Variants in LRRC27 observed in about 807,000 individuals in gnomAD.
LRRC27 encodes leucine rich repeat containing 27.
Under a neutral mutation model 55.0 loss-of-function variants are expected in LRRC27, and 57 were observed. That is an observed-to-expected ratio of 1.04 (90% CI 0.84 to 1.29). The LOEUF (loss-of-function observed/expected upper bound fraction) is 1.29. LRRC27 is among the 50% of genes most tolerant of loss of function. The pLI is 0.00. For missense variants in LRRC27, 721 were observed against 651.5 expected (o/e 1.11, Z -1.16); for synonymous variants, 278 against 251.9 (o/e 1.10, Z -0.98).
At chr10:132,344,349 C>T in intron 4 of LRRC27, 149 bp from the exon 5 acceptor site, 1 of 823,680 alleles carries the variant, frequency 1.2e-6, no homozygotes, top group Non-Finnish European at 1.8e-6. Flanking sequence ...ACCTTTAAAG[C>T]AAATCTTTGA....
At chr10:132,352,163 TGTGGGGCAGGCGCTGAGGCCTCC>T (rs2068065333) in intron 7 of LRRC27, among the ~76,000 whole-genome samples, 7 of 86,834 alleles carry the variant, frequency 8.1e-5, no homozygotes, top group African/African-American at 2.3e-4. Flanking sequence ...GAGGCCTCCG[TGTGGGGCAGGCGCTGAGGCCTCC>T]GTGTGGGGCA....
chr10:132,353,084 G>A (rs866315220), intron 7 of LRRC27: 58 of 1,516,100 alleles, frequency 3.8e-5, no homozygotes, highest in South Asian at 5.0e-5. Context: ...CCAGGAGTCC[G>A]GCTGGCATGG....
intron 9 of LRRC27, among the ~76,000 whole-genome samples, chr10:132,364,461 C>CCACACTTACATCTACCTCCA (rs1564853479): frequency 1.5e-5 from 1 of 67,222 alleles, no homozygotes; most frequent in Non-Finnish European, 3.0e-5. Flanking sequence ...ACACTCACAC[C>CCACACTTACATCTACCTCCA]CACCCACACT....
In LRRC27 at chr10:132,372,401, T is replaced by C. The variant is rs769055694; in HGVS notation, c.1417-2665T>C. 6.6e-6 allele frequency among the ~76,000 whole-genome samples: 1 copy of C among 152,224 alleles called. No individual in the cohort carries two copies. Among genetic ancestry groups the C allele is most frequent in the Non-Finnish European group, 1.5e-5 (1 of 68,036 alleles). The stretch of plus-strand genomic sequence containing the variant: ...GGCCAACCTGGTGAAACCCCGTCTC[T>C]ACTAAAAATACAAAAAATTAGCCGG... On this transcript the variant is annotated intron_variant, in intron 10 of 10. Transcript: ENST00000368614. The surrounding 1 kb of genome is among the most constrained non-coding windows in gnomAD (Gnocchi z 4.0).
chr10:132,342,712 G>A (rs1212399949), intron 4 of LRRC27, among the ~76,000 whole-genome samples: 6 of 152,154 alleles, frequency 3.9e-5, no homozygotes, highest in African/African-American at 7.2e-5. Flanking sequence ...TCAAACAAGC[G>A]TAAACTATCA....
chr10:132,366,714 G>A (rs116866633), intron 10 of LRRC27: 8,514 of 580,078 alleles, frequency 0.015, 90 homozygotes, highest in Middle Eastern at 0.02. Context: ...TCAGGCTGGT[G>A]CGAGCTGCAT....
At position 132,348,482 on chromosome 10, in the gene LRRC27, C is replaced by CAGTG; in HGVS notation, c.926+131_926+134dup. On this transcript the variant is annotated intron_variant, in intron 6 of 10. Coordinates refer to ENST00000368614, the MANE Select transcript of LRRC27 (RefSeq NM_030626.3). The surrounding 1 kb of genome is among the most constrained non-coding windows in gnomAD (Gnocchi z 4.2). The stretch of plus-strand genomic sequence containing the variant: ...CTCCACGTTGCCACCGTTTACTGTG[C>CAGTG]AGTGAGTGCCGGTCCCAGGTTTAGG... The CAGTG allele has an allele frequency of 2.3e-6, 3 of 1,288,102 alleles. 1 individual carries two copies. The South Asian group carries it at 4.4e-5, about 19-fold the overall frequency. 79.8% of individuals were successfully genotyped at this position (1,288,102 alleles called of 1,614,324 possible).
intron 8 of LRRC27, 37 bp downstream of exon 8, chr10:132,355,923 A>C (rs2068287932): frequency 2.1e-6 from 3 of 1,454,114 alleles, no homozygotes; most frequent in Non-Finnish European, 2.8e-6. Context: ...GCACTAGTCC[A>C]GTCCCGGGGG....
intron 10 of LRRC27, among the ~76,000 whole-genome samples, chr10:132,373,854 G>A (rs2069276912): frequency 6.6e-6 from 1 of 152,176 alleles, no homozygotes; most frequent in Non-Finnish European, 1.5e-5. Context: ...CAGTTTGAGA[G>A]GATGTAATGA....
Position 132,348,469 on chromosome 10 carries a change from A to G in LRRC27, c.926+113A>G. 7.1e-7 allele frequency: 1 copy of G among 1,417,918 alleles called. No individual in the cohort carries two copies. The highest frequency in any genetic ancestry group is 1.4e-5 in the South Asian group (1 of 72,748). The allele number at this position is 1,417,918 out of a possible 1,614,324, so 87.8% of individuals were successfully genotyped here. The stretch of plus-strand genomic sequence containing the variant: ...CTTTTAAAGTGTCCTCCACGTTGCC[A>G]CCGTTTACTGTGCAGTGAGTGCCGG... On this transcript the variant is annotated intron_variant, in intron 6 of 10. Transcript: ENST00000368614. The surrounding 1 kb of genome is among the most constrained non-coding windows in gnomAD (Gnocchi z 4.2).
intron 10 of LRRC27, among the ~76,000 whole-genome samples, chr10:132,371,288 TA>T (rs1564860250): frequency 6.6e-6 from 1 of 151,888 alleles, no homozygotes; most frequent in Non-Finnish European, 1.5e-5. Context: ...ATGGGGGAAG[TA>T]GGAGGGACTG....
In LRRC27 at chr10:132,364,477, C is replaced by CTCCA. The variant is rs1564853583; in HGVS notation, c.1290-947_1290-946insTCCA. Among the ~76,000 whole-genome samples the CTCCA allele has an allele frequency of 1.0e-3, 119 of 117,664 alleles. 3 individuals are homozygous for CTCCA. Among genetic ancestry groups the CTCCA allele is most frequent in the African/African-American group, 1.1e-3 (30 of 26,286 alleles). 77.2% of individuals were successfully genotyped at this position (117,664 alleles called of 152,430 possible). A position where few individuals can be genotyped will look rare whatever the true frequency, so the allele number is the denominator to read the frequency against. On this transcript the variant is annotated intron_variant, in intron 9 of 10. Transcript: ENST00000368614. ...CACTCACACCCACCCACACTTACAC[C>CTCCA]CACCCACACTTACACCCACCCTTAC...
chr10:132,365,395 C>A, intron 9 of LRRC27, 29 bp from the exon 10 acceptor site: 1 of 1,612,160 alleles, frequency 6.2e-7, no homozygotes, highest in South Asian at 1.1e-5. Flanking sequence ...TGTGTCAAGT[C>A]ATTTCCCTCT....
chr10:132,365,055 G>C (rs904157343), intron 9 of LRRC27, among the ~76,000 whole-genome samples: 1 of 152,266 alleles, frequency 6.6e-6, no homozygotes, highest in African/African-American at 2.4e-5. Flanking sequence ...TAGGAAAACC[G>C]TGTATTCCAT....
At chr10:132,354,638 G>A (rs943112918) in intron 7 of LRRC27, among the ~76,000 whole-genome samples, 1 of 152,216 alleles carries the variant, frequency 6.6e-6, no homozygotes, top group African/African-American at 2.4e-5. Flanking sequence ...GCACTGACTC[G>A]GGATGGAGCC....
In LRRC27 at chr10:132,344,594, G is replaced by C. The variant is rs145904167; in HGVS notation, c.497G>C (p.Arg166Pro). The change falls in exon 5 of 11, where the codon CGC becomes CCC. Residue 166 changes from arginine to proline, a missense_variant. Coordinates refer to ENST00000368614, the MANE Select transcript of LRRC27 (RefSeq NM_030626.3). ...CAGAAGGGATTGGTGGCTATCCAGC[G>C]CTTCCTGCGGATGTGGGCAGTAGAA... Reference protein sequence around the residue: ...VVQKGLVAIQRFLRMWAVEHS... With the variant: ...VVQKGLVAIQPFLRMWAVEHS... 6.2e-7 allele frequency: 1 copy of C among 1,614,102 alleles called. No individual in the cohort carries two copies. The highest frequency in any genetic ancestry group is 8.5e-7 in the Non-Finnish European group (1 of 1,180,012).
rs750277359 is a variant in LRRC27 at position 132,365,505 on chromosome 10, G to C, written c.1371G>C (p.Gln457His). The change falls in exon 10 of 11, where the codon CAG becomes CAC. Residue 457 changes from glutamine (Q) to histidine (H), a missense_variant. Coordinates refer to ENST00000368614, the MANE Select transcript of LRRC27 (RefSeq NM_030626.3). ...QMREQRRFHG[Q>H]APLEEMRKAA... is the part of the protein sequence containing the mutation. ...GTGAGCAAAGAAGATTCCATGGCCA[G>C]GCCCCACTGGAGGAGATGAGGAAGG... 1.9e-6 allele frequency: 3 copies of C among 1,613,704 alleles called. No individual in the cohort carries two copies. Among genetic ancestry groups the C allele is most frequent in the Non-Finnish European group, 2.5e-6 (3 of 1,179,992 alleles).
intron 8 of LRRC27, among the ~76,000 whole-genome samples, chr10:132,360,877 C>T (rs779791630): frequency 6.6e-6 from 1 of 152,212 alleles, no homozygotes; most frequent in Non-Finnish European, 1.5e-5. Flanking sequence ...ACTGCAGGCA[C>T]CCGCACAGGC....
chr10:132,347,827 G>T (rs1005543430), intron 5 of LRRC27, among the ~76,000 whole-genome samples, 157 bp from the exon 6 acceptor site: 4 of 152,202 alleles, frequency 2.6e-5, no homozygotes, highest in African/African-American at 9.7e-5. Flanking sequence ...GGTGGCAGGT[G>T]GGGTGACGGG....
Sources: gnomAD v4.1 joint callset for allele counts (sites outside exome capture counted in the v4.1 genomes callset) on GRCh38, gnomAD v4.1.1 for gene constraint, Gnocchi (gnomAD v3.1) non-coding constraint, MANE v1.5 for transcripts, NCBI Gene and HGNC (gene_info 2026-07-23, HGNC 2026-07-21) for gene names.